ZFHX3: variants seen among roughly 807,000 people sequenced by gnomAD.
ZFHX3 encodes zinc finger homeobox 3.
A neutral mutation model predicts 279.1 loss-of-function variants in ZFHX3; 42 were observed. The observed-to-expected ratio is 0.15, with a 90% CI of 0.12 to 0.19. The LOEUF is 0.19. Ranked by LOEUF, ZFHX3 falls within the 10% of genes least tolerant of loss-of-function variation. ZFHX3 has a pLI of 1.00. For missense variants in ZFHX3, 4,981 were observed against 4,754.0 expected, an observed-to-expected ratio of 1.05 and a Z score of -1.40; for synonymous variants, 2,293 against 1,957.8, an observed-to-expected ratio of 1.17 and a Z score of -4.52.
intron 2 of ZFHX3, among the ~76,000 whole-genome samples, chr16:73,482,989 G>C (rs1279129646): frequency 6.6e-6 from 1 of 152,174 alleles, no homozygotes; most frequent in African/African-American, 2.4e-5. Context: ...ACAACACATC[G>C]TTGCAAAAGA....
chr16:73,631,898 T>TTCTCTCTCTCTCTCTCTCTC (rs139812596), intron 2 of ZFHX3, among the ~76,000 whole-genome samples: 2 of 130,300 alleles, frequency 1.5e-5, no homozygotes, highest in South Asian at 2.6e-4. Flanking sequence ...TAGAGTGGGA[T>TTCTCTCTCTCTCTCTCTCTC]TCTCTCTCTC....
intron 2 of ZFHX3, among the ~76,000 whole-genome samples, chr16:73,498,842 A>G (rs1473146267): frequency 6.6e-6 from 1 of 152,210 alleles, no homozygotes. Context: ...TATTGAGAGC[A>G]GTCAGCCTCC....
chr16:73,513,267 A>G (rs2019463689), intron 2 of ZFHX3, among the ~76,000 whole-genome samples: 1 of 152,172 alleles, frequency 6.6e-6, no homozygotes, highest in Admixed American at 6.5e-5. Context: ...CAGTAGCTGG[A>G]TATTATTAGA....
In ZFHX3 at chr16:72,784,252, G is replaced by GAA. The variant is rs199685442; in HGVS notation, c.*2910_*2911dup. On this transcript the variant is annotated 3_prime_UTR_variant, in exon 10 of 10. Transcript: ENST00000268489. The stretch of plus-strand genomic sequence containing the variant: ...AGGGAGGATGGCATAGTAGCTCCAT[G>GAA]AAAAAAAAAAACAAAAACAAAAACA... 3 of 135,640 alleles carry GAA rather than the reference G, an allele frequency of 2.2e-5. No individual in the cohort carries two copies. Among genetic ancestry groups the GAA allele is most frequent in the African/African-American group, 2.7e-5 (1 of 37,074 alleles). 8.4% of individuals were successfully genotyped at this position (135,640 alleles called of 1,614,324 possible). A position where few individuals can be genotyped will look rare whatever the true frequency, so the allele number is the denominator to read the frequency against.
chr16:72,913,075 T>G (rs931804534), intron 3 of ZFHX3, among the ~76,000 whole-genome samples: 1 of 152,184 alleles, frequency 6.6e-6, no homozygotes, highest in Admixed American at 6.5e-5. Context: ...ATTTTGAAAT[T>G]TTTGTGTCTG....
rs1366937336 is a variant in ZFHX3, at chr16:72,958,302, C to G, written c.1844G>C (p.Gly615Ala). Residue 615 changes from glycine to alanine, a missense_variant, in exon 2 of 10, where the codon GGC (glycine) becomes GCC (alanine). By Grantham distance (60) the Gly-to-Ala change is moderately conservative. Transcript: ENST00000268489. ...AGCGTGCTGGTGATGGGGAACGAAGCCCCCATCGTCACCCTCTGTGCTTTC... is the reference window on the plus strand; with the variant it reads ...AGCGTGCTGGTGATGGGGAACGAAGGCCCCATCGTCACCCTCTGTGCTTTC... ...PNESTEGDDGGFVPHHQHAGS... is the reference protein window; with the variant it reads ...PNESTEGDDGAFVPHHQHAGS... The G allele has an allele frequency of 3.7e-6, 6 of 1,614,000 alleles. No homozygotes were observed. Among genetic ancestry groups the G allele is most frequent in the South Asian group, 1.1e-5 (1 of 91,086 alleles).
chr16:73,684,190 A>G (rs527964982), intron 1 of ZFHX3, among the ~76,000 whole-genome samples: 3 of 152,262 alleles, frequency 2.0e-5, no homozygotes, highest in Admixed American at 2.0e-4. Flanking sequence ...GCTACTCGAG[A>G]GGCTAAGATA....
intron 7 of ZFHX3, among the ~76,000 whole-genome samples, chr16:72,803,337 A>G (rs1199397747): frequency 6.6e-6 from 1 of 152,074 alleles, no homozygotes; most frequent in Non-Finnish European, 1.5e-5. Flanking sequence ...GTCTCCAATC[A>G]ATCAATCAAT....
At chr16:72,838,410 C>G (rs925897676) in intron 4 of ZFHX3, among the ~76,000 whole-genome samples, 1 of 152,184 alleles carries the variant, frequency 6.6e-6, no homozygotes, top group Non-Finnish European at 1.5e-5. Flanking sequence ...GAATGCAAGC[C>G]TGGGGGAGCC....
chr16:73,139,425 G>A (rs920338088), intron 6 of ZFHX3, among the ~76,000 whole-genome samples: 1 of 152,148 alleles, frequency 6.6e-6, no homozygotes, highest in African/African-American at 2.4e-5. Context: ...AATTTTTGGC[G>A]ATTTTAATTT....
chr16:72,960,176 C>A lies in ZFHX3; in HGVS notation c.-31G>T. 1 of 1,526,224 alleles carries A rather than the reference C, an allele frequency of 6.6e-7. No homozygotes were observed. The highest frequency in any genetic ancestry group is 1.3e-5 in the South Asian group (1 of 75,190). 94.5% of individuals were successfully genotyped at this position (1,526,224 alleles called of 1,614,324 possible). ...GGCCTGCGTGGAGCTTTCATTGCAC[C>A]CAGTACGGAGGCTCGGACCTGAAGG... is the stretch of plus-strand genomic sequence containing the variant. On this transcript the variant is annotated 5_prime_UTR_variant, in exon 2 of 10. Transcript: ENST00000268489.
At chr16:73,471,556 G>A (rs1597348175) in intron 2 of ZFHX3, among the ~76,000 whole-genome samples, 2 of 152,132 alleles carry the variant, frequency 1.3e-5, no homozygotes, top group East Asian at 1.9e-4. Flanking sequence ...TTACAGGCGT[G>A]AGCCACTGCA....
intron 1 of ZFHX3, among the ~76,000 whole-genome samples, chr16:72,993,475 A>C (rs1222063776): frequency 6.6e-6 from 1 of 152,204 alleles, no homozygotes. Flanking sequence ...GAGCACTTCC[A>C]AATAGAGCAG....
At chr16:73,746,421 T>C (rs866816359) in intron 1 of ZFHX3, among the ~76,000 whole-genome samples, 1 of 152,202 alleles carries the variant, frequency 6.6e-6, no homozygotes, top group African/African-American at 2.4e-5. Flanking sequence ...AGCACTTAGT[T>C]TTAAACCACT....
intron 3 of ZFHX3, among the ~76,000 whole-genome samples, chr16:72,906,300 C>G (rs1278122128): frequency 6.6e-6 from 1 of 152,070 alleles, no homozygotes; most frequent in Non-Finnish European, 1.5e-5. Flanking sequence ...CCCCTGCTTA[C>G]ACTCAGTAAG....
intron 2 of ZFHX3, among the ~76,000 whole-genome samples, chr16:73,613,762 T>G (rs2052271426): frequency 6.6e-6 from 1 of 152,176 alleles, no homozygotes; most frequent in Non-Finnish European, 1.5e-5. Flanking sequence ...TCAGGATTGG[T>G]GCCGGCATCT....
chr16:72,890,049 C>A, intron 3 of ZFHX3, 87 bp from the exon 4 acceptor site: 1 of 1,221,336 alleles, frequency 8.2e-7, no homozygotes, highest in Non-Finnish European at 1.1e-6. Flanking sequence ...TGGTCACAGC[C>A]AGAGGCATGC....
In ZFHX3 at chr16:73,148,476, T is replaced by G. The variant is rs561313448; in HGVS notation, c.-1103-4645A>C. Among the ~76,000 whole-genome samples the G allele has an allele frequency of 6.6e-5, 10 of 151,906 alleles. No homozygotes were observed. The East Asian group carries it at 1.9e-3, about 29-fold the overall frequency. On this transcript the variant is annotated intron_variant, in intron 5 of 17. Transcript: ENST00000641206. Reference sequence around the variant, plus strand: ...AACTGGATAATCTCTGGATACTTCTTTAAGGTCCTAGAAACTCAGTAATTT... The same window carrying G: ...AACTGGATAATCTCTGGATACTTCTGTAAGGTCCTAGAAACTCAGTAATTT...
intron 6 of ZFHX3, among the ~76,000 whole-genome samples, chr16:73,139,506 T>C (rs1966840783): frequency 6.6e-6 from 1 of 152,202 alleles, no homozygotes; most frequent in African/African-American, 2.4e-5. Flanking sequence ...AAATAAAGCT[T>C]AAAGCTAGGT....
Sources: gnomAD v4.1 joint callset for allele counts (sites outside exome capture counted in the v4.1 genomes callset) on GRCh38, gnomAD v4.1.1 for gene constraint, MANE v1.5 for transcripts, NCBI Gene and HGNC (gene_info 2026-07-23, HGNC 2026-07-21) for gene names.